The following RGS7 variants were observed in gnomAD, a reference collection of about 807,000 sequenced individuals.
RGS7 encodes regulator of G-protein signaling 7.
A neutral mutation model predicts 81.1 loss-of-function variants in RGS7; 27 were observed. That is an observed-to-expected ratio of 0.33 (90% CI 0.25 to 0.46). The LOEUF is 0.46. Among genes scored for constraint, RGS7 ranks in the 20% least tolerant of loss-of-function variants. The pLI, the probability that RGS7 is intolerant of heterozygous loss-of-function variation, is 1.00. For synonymous variants in RGS7, 208 were observed against 207.7 expected (o/e 1.00, Z -0.01); for missense variants, 396 against 607.4 (o/e 0.65, Z 3.66).
At chr1:240,967,805 C>T (rs540845061) in intron 4 of RGS7, among the ~76,000 whole-genome samples, 18 of 152,186 alleles carry the variant, frequency 1.2e-4, no homozygotes, top group African/African-American at 3.6e-4. Flanking sequence ...GGGAGCTTTT[C>T]GTGAGTGCTT....
intron 3 of RGS7, among the ~76,000 whole-genome samples, chr1:241,058,031 C>T (rs895973371): frequency 6.6e-6 from 1 of 152,072 alleles, no homozygotes; most frequent in Non-Finnish European, 1.5e-5. Context: ...GCAGTTGTCA[C>T]GCTGCCTCTC....
At chr1:241,312,813 T>C (rs569833052) in intron 2 of RGS7, among the ~76,000 whole-genome samples, 1 of 152,000 alleles carries the variant, frequency 6.6e-6, no homozygotes, top group East Asian at 1.9e-4. Context: ...TGAAGCTTCA[T>C]GAGAGAGGCA....
At position 241,255,568 on chromosome 1, in the gene RGS7, G is replaced by C. The variant is rs148732622; in HGVS notation, c.78+100131C>G. On this transcript the variant is annotated intron_variant, in intron 2 of 18. Transcript: ENST00000440928. ...ATTGCTACATTTAAACCAAGTGAGG[G>C]GGGTAAAGAGAAACTGCTGTCAGCA... Among the ~76,000 whole-genome samples, 488 of 152,312 alleles carry C rather than the reference G, an allele frequency of 3.2e-3. 10 individuals are homozygous for C. Among genetic ancestry groups the C allele is most frequent in the Admixed American group, 0.028 (423 of 15,292 alleles).
At chr1:241,159,508 A>C (rs1466791388) in intron 2 of RGS7, among the ~76,000 whole-genome samples, 4 of 151,758 alleles carry the variant, frequency 2.6e-5, no homozygotes, top group African/African-American at 9.7e-5. Context: ...CCATCCATCC[A>C]CCCACCCACT....
At chr1:241,027,080 G>A (rs1419521920) in intron 3 of RGS7, among the ~76,000 whole-genome samples, 2 of 151,618 alleles carry the variant, frequency 1.3e-5, no homozygotes, top group Admixed American at 6.6e-5. Flanking sequence ...GTACGTGCCT[G>A]TAGTTCCAGA....
chr1:240,791,899 C>T (rs559309594), intron 18 of RGS7, among the ~76,000 whole-genome samples: 3 of 152,272 alleles, frequency 2.0e-5, no homozygotes, highest in Non-Finnish European at 2.9e-5. Context: ...CTGCTTAACT[C>T]TTTTTCATTC....
intron 3 of RGS7, among the ~76,000 whole-genome samples, chr1:241,097,266 G>A (rs1331880693): frequency 6.6e-6 from 1 of 151,962 alleles, no homozygotes; most frequent in African/African-American, 2.4e-5. Context: ...AGCCACAGAT[G>A]TAAAAAGTGC....
chr1:240,910,513 T>TAC (rs2148246441), intron 6 of RGS7, among the ~76,000 whole-genome samples: 1 of 152,294 alleles, frequency 6.6e-6, no homozygotes, highest in East Asian at 1.9e-4. Flanking sequence ...GAATAAATTC[T>TAC]AGTGTTCTGT....
chr1:240,890,509 G>A (rs1364062764), intron 6 of RGS7, among the ~76,000 whole-genome samples: 1 of 151,944 alleles, frequency 6.6e-6, no homozygotes, highest in African/African-American at 2.4e-5. Context: ...AGATAATAAT[G>A]AGAATAATGA....
At chr1:241,080,153 T>C (rs141637109) in intron 3 of RGS7, among the ~76,000 whole-genome samples, 69 of 152,140 alleles carry the variant, frequency 4.5e-4, no homozygotes, top group African/African-American at 1.6e-3. Flanking sequence ...GGGATTTATT[T>C]AGGACAAAAA....
chr1:240,958,700 ACTCTCCTCCGTAC>A (rs200483920), intron 4 of RGS7, among the ~76,000 whole-genome samples: 2,588 of 151,940 alleles, frequency 0.017, 36 homozygotes, highest in Non-Finnish European at 0.027. Context: ...AGCAGGTGGC[ACTCTCCTCCGTAC>A]CTCTCCTTTA....
At chr1:240,781,381 G>A (rs1280636457) in intron 18 of RGS7, among the ~76,000 whole-genome samples, 6 of 152,154 alleles carry the variant, frequency 3.9e-5, no homozygotes, top group African/African-American at 9.7e-5. Flanking sequence ...CAAGGCTGGC[G>A]GATCACCTGA....
intron 4 of RGS7, among the ~76,000 whole-genome samples, chr1:240,972,175 T>C (rs1229121908): frequency 1.3e-5 from 2 of 152,204 alleles, no homozygotes; most frequent in Admixed American, 6.5e-5. Context: ...CATGCCTCTC[T>C]TATGGTTGCC....
At chr1:241,043,841 C>T (rs1354907024) in intron 3 of RGS7, among the ~76,000 whole-genome samples, 1 of 151,456 alleles carries the variant, frequency 6.6e-6, no homozygotes, top group East Asian at 1.9e-4. Flanking sequence ...GTAGGTTATC[C>T]ACATATATTA....
chr1:241,340,209 T>C (rs934282233), intron 2 of RGS7, among the ~76,000 whole-genome samples: 2 of 152,168 alleles, frequency 1.3e-5, no homozygotes, highest in African/African-American at 2.4e-5. Flanking sequence ...GAATGCATAA[T>C]TGCCTGAGAC....
intron 2 of RGS7, among the ~76,000 whole-genome samples, chr1:241,336,452 A>T (rs1327876176): frequency 6.6e-6 from 1 of 152,228 alleles, no homozygotes. Context: ...TCCCTAAAAC[A>T]TAGGAATCCA....
chr1:241,226,125 A>G (rs1482539499), intron 2 of RGS7, among the ~76,000 whole-genome samples: 1 of 152,182 alleles, frequency 6.6e-6, no homozygotes, highest in Non-Finnish European at 1.5e-5. Context: ...AAAATTCCCT[A>G]ATATGTTCAT....
At chr1:240,924,988 G>A (rs1167512766) in intron 6 of RGS7, among the ~76,000 whole-genome samples, 1 of 152,044 alleles carries the variant, frequency 6.6e-6, no homozygotes, top group African/African-American at 2.4e-5. Context: ...GTAAGTACAG[G>A]GGAGGCTCCT....
chr1:241,207,827 G>A (rs2074010351), intron 2 of RGS7, among the ~76,000 whole-genome samples: 1 of 152,164 alleles, frequency 6.6e-6, no homozygotes, highest in African/African-American at 2.4e-5. Flanking sequence ...AGAAAAGACT[G>A]GCTCAATGCT....
Sources: gnomAD v4.1 joint callset for allele counts (sites outside exome capture counted in the v4.1 genomes callset) on GRCh38, gnomAD v4.1.1 for gene constraint, MANE v1.5 for transcripts, NCBI Gene and HGNC (gene_info 2026-07-23, HGNC 2026-07-21) for gene names.